The following SLC25A43 variants were observed in gnomAD, a reference collection of about 807,000 sequenced individuals.
The protein encoded by SLC25A43 is solute carrier family 25 member 43.
Under a neutral mutation model 22.8 loss-of-function variants are expected in SLC25A43, and 10 were observed. The observed-to-expected ratio is 0.44, with a 90% CI of 0.27 to 0.74. The LOEUF is 0.74. Ranked by LOEUF, SLC25A43 falls within the 30% of genes least tolerant of loss-of-function variation. The pLI, the probability that SLC25A43 is intolerant of heterozygous loss-of-function variation, is 0.17. For synonymous variants in SLC25A43, 106 were observed against 121.6 expected, an observed-to-expected ratio of 0.87 and a Z score of 0.84; for missense variants, 233 against 279.1, an observed-to-expected ratio of 0.83 and a Z score of 1.18.
At chrX:119,432,511 G>A (rs1419056211) in intron 3 of SLC25A43, among the ~76,000 whole-genome samples, 11 of 111,522 alleles carry the variant, frequency 9.9e-5, no homozygotes, top group Non-Finnish European at 2.1e-4. Context: ...AAAGAGGGCC[G>A]GGCACAGTGG....
chrX:119,399,950 C>G (rs1290725964), intron 1 of SLC25A43, among the ~76,000 whole-genome samples: 1 of 112,517 alleles, frequency 8.9e-6, no homozygotes, highest in African/African-American at 3.2e-5. Flanking sequence ...CGGATTGGAC[C>G]GGGCGAGGAG....
At chrX:119,419,286 C>A (rs1363454218) in intron 3 of SLC25A43, among the ~76,000 whole-genome samples, 2 of 111,604 alleles carry the variant, frequency 1.8e-5, no homozygotes, top group African/African-American at 6.5e-5. Flanking sequence ...AATATAAAAC[C>A]AAGTGTGAGC....
intron 3 of SLC25A43, among the ~76,000 whole-genome samples, chrX:119,446,151 CAAAAAAAAAAAA>C (rs3078475): frequency 2.6e-5 from 1 of 38,719 alleles, no homozygotes; most frequent in Non-Finnish European, 4.2e-5. Context: ...GACTCCATCT[CAAAAAAAAAAAA>C]AAAAAAAAAA....
At chrX:119,426,618 T>TCAC (rs2052507240) in intron 3 of SLC25A43, among the ~76,000 whole-genome samples, 1 of 109,958 alleles carries the variant, frequency 9.1e-6, no homozygotes, top group Admixed American at 9.7e-5. Context: ...AGGCCAGGAG[T>TCAC]TCCAGACCAG....
intron 3 of SLC25A43, among the ~76,000 whole-genome samples, chrX:119,446,689 A>T (rs1365280395): frequency 8.9e-5 from 10 of 112,431 alleles, no homozygotes; most frequent in Non-Finnish European, 3.8e-5. Flanking sequence ...CATGCATAAA[A>T]TTATGTGAAA....
At chrX:119,429,038 G>C (rs1369982343) in intron 3 of SLC25A43, among the ~76,000 whole-genome samples, 1 of 109,569 alleles carries the variant, frequency 9.1e-6, no homozygotes, top group Non-Finnish European at 1.9e-5. Context: ...TTTTTGCTTT[G>C]GTCAAAGGGC....
At chrX:119,417,584 G>A (rs954262303) in intron 3 of SLC25A43, among the ~76,000 whole-genome samples, 2 of 110,723 alleles carry the variant, frequency 1.8e-5, no homozygotes, top group Admixed American at 1.9e-4. Flanking sequence ...AGCCAACACC[G>A]CATTCTACAC....
At chrX:119,431,407 A>C (rs1481927747) in intron 3 of SLC25A43, among the ~76,000 whole-genome samples, 1 of 110,069 alleles carries the variant, frequency 9.1e-6, no homozygotes, top group Non-Finnish European at 1.9e-5. Flanking sequence ...CAGCTACTCA[A>C]GAGGCTGAGG....
At chrX:119,447,830 C>T (rs2052679271) in intron 3 of SLC25A43, among the ~76,000 whole-genome samples, 1 of 110,745 alleles carries the variant, frequency 9.0e-6, no homozygotes, top group Non-Finnish European at 1.9e-5. Flanking sequence ...CAGGCTCAAG[C>T]CCTAAGTGAT....
chrX:119,417,561 T>C (rs2052415583), intron 3 of SLC25A43, among the ~76,000 whole-genome samples: 1 of 111,336 alleles, frequency 9.0e-6, no homozygotes, highest in Non-Finnish European at 1.9e-5. Flanking sequence ...AGTGACCTCA[T>C]CTGGGAGAAT....
chrX:119,431,975 G>A (rs2052557020), intron 3 of SLC25A43, among the ~76,000 whole-genome samples: 1 of 110,303 alleles, frequency 9.1e-6, no homozygotes, highest in Non-Finnish European at 1.9e-5. Context: ...CCAACATGGT[G>A]AAATCCCATC....
chrX:119,435,166 A>C (rs2052590819), intron 3 of SLC25A43, among the ~76,000 whole-genome samples: 1 of 111,058 alleles, frequency 9.0e-6, no homozygotes, highest in Admixed American at 9.7e-5. Context: ...AAAAAAGAAA[A>C]AAATCGGTGG....
At chrX:119,412,111 G>A (rs1021917944) in intron 3 of SLC25A43, among the ~76,000 whole-genome samples, 1 of 110,912 alleles carries the variant, frequency 9.0e-6, no homozygotes. Context: ...TCCCTCTGTA[G>A]TAGTCCCGGC....
At chrX:119,400,945 C>G (rs2052232667) in intron 1 of SLC25A43, among the ~76,000 whole-genome samples, 1 of 111,434 alleles carries the variant, frequency 9.0e-6, no homozygotes, top group Admixed American at 9.5e-5. Flanking sequence ...CTCTTCTCTA[C>G]AAAGTAGTGT....
In SLC25A43 at chrX:119,448,338, A is replaced by G. The variant is rs143556951; in HGVS notation, c.691-3671A>G. Among the ~76,000 whole-genome samples, 616 of 111,598 alleles carry G rather than the reference A, an allele frequency of 5.5e-3. 5 individuals carry two copies. The highest frequency in any genetic ancestry group is 0.019 in the African/African-American group (594 of 30,696). On this transcript the variant is annotated intron_variant, in intron 3 of 4. Transcript: ENST00000217909. The stretch of plus-strand genomic sequence containing the variant: ...GTCTTTTTCAACACAGCAGCCAGTG[A>G]TCATGTGAAAATATAAATTAGGTCA...
At chrX:119,447,244 A>T (rs985075543) in intron 3 of SLC25A43, among the ~76,000 whole-genome samples, 1 of 110,801 alleles carries the variant, frequency 9.0e-6, no homozygotes, top group African/African-American at 3.3e-5. Flanking sequence ...GTGAGCCACC[A>T]TGCCCAGCCC....
chrX:119,430,898 T>C (rs2052546840), intron 3 of SLC25A43, among the ~76,000 whole-genome samples: 1 of 111,852 alleles, frequency 8.9e-6, no homozygotes, highest in East Asian at 2.8e-4. Flanking sequence ...CAGCACAGGC[T>C]CCTGTCTCAG....
In SLC25A43 at chrX:119,445,762, T is replaced by C. The variant is rs1003390231; in HGVS notation, c.691-6247T>C. Among the ~76,000 whole-genome samples, 36 of 111,267 alleles carry C rather than the reference T, an allele frequency of 3.2e-4. 1 individual carries two copies. The highest frequency in any genetic ancestry group is 2.6e-3 in the Admixed American group (27 of 10,387). ...GAAGATCTTAGGGTCCATTTCAGAT[T>C]GGGGTCTCTGGTTTAGGGATCTGCG... On this transcript the variant is annotated intron_variant, in intron 3 of 4. Coordinates refer to ENST00000217909, the MANE Select transcript of SLC25A43 (RefSeq NM_145305.3).
At chrX:119,452,817 G>A in intron 4 of SLC25A43, 48 bp from the exon 5 acceptor site, 1 of 1,077,546 alleles carries the variant, frequency 9.3e-7, no homozygotes. Context: ...ACACATTGAT[G>A]TTTTCTTTTT....
Sources: allele counts gnomAD v4.1 joint callset (sites outside exome capture counted in the v4.1 genomes callset), GRCh38; gene constraint gnomAD v4.1.1; transcripts MANE v1.5; gene names NCBI Gene and HGNC (gene_info 2026-07-23, HGNC 2026-07-21).